The following RAB3C variants were observed in gnomAD, a reference collection of about 807,000 sequenced individuals.
RAB3C encodes the protein ras-related protein Rab-3C.
In RAB3C, 17 loss-of-function variants were observed where a neutral mutation model predicts 26.4. That is an observed-to-expected ratio of 0.64 (90% confidence interval 0.44 to 0.97). The LOEUF is 0.97. RAB3C is among the 50% of genes least tolerant of loss of function. The pLI is 0.00. For synonymous variants in RAB3C, 91 were observed against 95.9 expected, an observed-to-expected ratio of 0.95 and a Z score of 0.30; for missense variants, 242 against 281.9, an observed-to-expected ratio of 0.86 and a Z score of 1.01.
chr5:58,645,859 G>A (rs1318830240), intron 2 of RAB3C, among the ~76,000 whole-genome samples: 1 of 151,644 alleles, frequency 6.6e-6, no homozygotes, highest in Non-Finnish European at 1.5e-5. Flanking sequence ...AGATAACTGG[G>A]ACCTGACTGG....
intron 3 of RAB3C, among the ~76,000 whole-genome samples, chr5:58,742,731 A>G (rs1486056580): frequency 6.6e-6 from 1 of 152,148 alleles, no homozygotes; most frequent in Non-Finnish European, 1.5e-5. Flanking sequence ...TACTGTGGAA[A>G]TGAGTGCTTT....
At chr5:58,782,151 A>ATG in intron 3 of RAB3C, among the ~76,000 whole-genome samples, 1 of 152,142 alleles carries the variant, frequency 6.6e-6, no homozygotes, top group Non-Finnish European at 1.5e-5. Flanking sequence ...TGGAGAGAGA[A>ATG]AGAATGAATG....
intron 3 of RAB3C, among the ~76,000 whole-genome samples, chr5:58,781,307 C>T (rs527805064): frequency 9.1e-4 from 139 of 152,142 alleles, no homozygotes; most frequent in African/African-American, 3.2e-3. Context: ...AAAATTAATA[C>T]TTGTATATGT....
chr5:58,810,759 G>A (rs1187322383), intron 3 of RAB3C, among the ~76,000 whole-genome samples: 1 of 152,126 alleles, frequency 6.6e-6, no homozygotes, highest in Non-Finnish European at 1.5e-5. Flanking sequence ...ACCATGCCCA[G>A]CTATTTTTTG....
chr5:58,789,065 A>G (rs1742461446), intron 3 of RAB3C, among the ~76,000 whole-genome samples: 1 of 152,170 alleles, frequency 6.6e-6, no homozygotes, highest in East Asian at 1.9e-4. Context: ...AGGGGAAAGA[A>G]ATAGTCATTA....
intron 3 of RAB3C, among the ~76,000 whole-genome samples, chr5:58,770,661 C>T (rs1390367200): frequency 6.6e-6 from 1 of 151,954 alleles, no homozygotes; most frequent in African/African-American, 2.4e-5. Flanking sequence ...CTTTAAAAAC[C>T]TTGGGATCTC....
At chr5:58,624,127 CCTA>C (rs1403676748) in intron 2 of RAB3C, among the ~76,000 whole-genome samples, 1 of 152,112 alleles carries the variant, frequency 6.6e-6, no homozygotes, top group Non-Finnish European at 1.5e-5. Flanking sequence ...CTTGTTGGTG[CCTA>C]CTGTGTGCCA....
At chr5:58,637,865 T>C (rs1747322422) in intron 2 of RAB3C, among the ~76,000 whole-genome samples, 1 of 152,192 alleles carries the variant, frequency 6.6e-6, no homozygotes, top group Non-Finnish European at 1.5e-5. Context: ...AAAATATACA[T>C]ATGATATCAC....
intron 3 of RAB3C, chr5:58,794,295 A>G (rs1195189004): frequency 6.7e-6 from 1 of 150,110 alleles, no homozygotes; most frequent in Non-Finnish European, 1.5e-5. Flanking sequence ...TTCAGACAGA[A>G]TTTACAATTT....
In RAB3C at chr5:58,678,007, C is replaced by T. The variant is rs941786512; in HGVS notation, c.253-47995C>T. Among the ~76,000 whole-genome samples, 99 of 78,378 alleles carry T rather than the reference C, an allele frequency of 1.3e-3. 2 individuals carry two copies. The East Asian group carries it at 0.015, about 12-fold the overall frequency. 51.4% of individuals were successfully genotyped at this position (78,378 alleles called of 152,430 possible). On this transcript the variant is annotated intron_variant, in intron 2 of 4. Transcript: ENST00000282878. Reference sequence around the variant, plus strand: ...GTGTGTGTGTGTGTGTGTGTGCATGCGTGTGTGTGTGTGTTCAAGGTACAT... The same window carrying T: ...GTGTGTGTGTGTGTGTGTGTGCATGTGTGTGTGTGTGTGTTCAAGGTACAT...
At chr5:58,723,763 G>T (rs1250216818) in intron 2 of RAB3C, among the ~76,000 whole-genome samples, 1 of 151,734 alleles carries the variant, frequency 6.6e-6, no homozygotes, top group African/African-American at 2.4e-5. Flanking sequence ...TAAATCTTAG[G>T]GGTAGCTGGG....
chr5:58,630,920 ACTC>A (rs1179168232), intron 2 of RAB3C, among the ~76,000 whole-genome samples: 1 of 151,618 alleles, frequency 6.6e-6, no homozygotes, highest in Non-Finnish European at 1.5e-5. Flanking sequence ...TGATTGGAAA[ACTC>A]CTATATGCTG....
In RAB3C at chr5:58,678,775, A is replaced by C. The variant is rs148066589; in HGVS notation, c.253-47227A>C. The stretch of plus-strand genomic sequence containing the variant: ...GTCACTCCAATTCCCATATAATTGT[A>C]ACTTCTTTTTGAAAAGCTTAGAATT... On this transcript the variant is annotated intron_variant, in intron 2 of 4. Transcript: ENST00000282878. 1.9e-3 allele frequency among the ~76,000 whole-genome samples: 296 copies of C among 152,336 alleles called. 1 individual carries two copies. The highest frequency in any genetic ancestry group is 6.8e-3 in the African/African-American group (281 of 41,566).
At chr5:58,598,933 G>T (rs189997536) in intron 1 of RAB3C, among the ~76,000 whole-genome samples, 1 of 152,138 alleles carries the variant, frequency 6.6e-6, no homozygotes, top group Non-Finnish European at 1.5e-5. Context: ...GAATATCAAA[G>T]ATAATCATGG....
chr5:58,582,479 G>A (rs911697210), upstream of RAB3C: 11 of 936,194 alleles, frequency 1.2e-5, no homozygotes, highest in East Asian at 1.2e-4. Context: ...GCACTTCGGT[G>A]TGCGGGTTGT....
intron 2 of RAB3C, among the ~76,000 whole-genome samples, chr5:58,687,152 T>C (rs1748461117): frequency 6.6e-6 from 1 of 152,086 alleles, no homozygotes; most frequent in South Asian, 2.1e-4. Context: ...TCCATCTTCG[T>C]GAGTTGAAGC....
chr5:58,743,600 TC>T (rs1231388767), intron 3 of RAB3C, among the ~76,000 whole-genome samples: 15 of 152,042 alleles, frequency 9.9e-5, no homozygotes, highest in African/African-American at 3.6e-4. Flanking sequence ...TGTGTGATGT[TC>T]CCCTCCCTGT....
chr5:58,583,087 G>T lies in RAB3C; in HGVS notation c.-122G>T. ...AGAGGACAGCTCCAGTGCTGATGTTGGAGCCGGTTAGCGAACCCCAAGAGT... is the reference window on the plus strand; with the variant it reads ...AGAGGACAGCTCCAGTGCTGATGTTTGAGCCGGTTAGCGAACCCCAAGAGT... On this transcript the variant is annotated 5_prime_UTR_variant, in exon 1 of 5. Transcript: ENST00000282878. 1 of 1,556,992 alleles carries T rather than the reference G, an allele frequency of 6.4e-7. No homozygotes were observed.
chr5:58,640,609 G>C (rs970657651), intron 2 of RAB3C, among the ~76,000 whole-genome samples: 1 of 152,080 alleles, frequency 6.6e-6, no homozygotes, highest in Non-Finnish European at 1.5e-5. Flanking sequence ...CTGGTTTTGA[G>C]ACTATCTTGT....
Sources: gnomAD v4.1 joint callset for allele counts (sites outside exome capture counted in the v4.1 genomes callset) on GRCh38, gnomAD v4.1.1 for gene constraint, MANE v1.5 for transcripts, NCBI Gene and HGNC (gene_info 2026-07-23, HGNC 2026-07-21) for gene names.